RBM39: variants seen among roughly 807,000 people sequenced by gnomAD.
RBM39 encodes the protein RNA binding motif protein 39, also known as RNA-binding protein 39.
Under a neutral mutation model 79.6 loss-of-function variants are expected in RBM39, and 12 were observed. The observed-to-expected ratio is 0.15, with a 90% CI of 0.10 to 0.24. The LOEUF is 0.24. Ranked by LOEUF, RBM39 falls within the 10% of genes least tolerant of loss-of-function variation. The pLI, the probability that RBM39 is intolerant of heterozygous loss-of-function variation, is 1.00. For missense variants in RBM39, 243 were observed against 653.4 expected (o/e 0.37, Z 6.85); for synonymous variants, 185 against 208.4 (o/e 0.89, Z 0.97).
At chr20:35,716,980 G>A (rs1213460758) in intron 9 of RBM39, among the ~76,000 whole-genome samples, 175 bp from the exon 10 acceptor site, 1 of 151,398 alleles carries the variant, frequency 6.6e-6, no homozygotes, top group African/African-American at 2.4e-5. Flanking sequence ...AATTTTATAT[G>A]TAAAATGAAA....
chr20:35,712,756 T>C (rs2036599854), intron 12 of RBM39, among the ~76,000 whole-genome samples: 1 of 152,166 alleles, frequency 6.6e-6, no homozygotes, highest in African/African-American at 2.4e-5. Flanking sequence ...TCAATAAAAC[T>C]GATATATTTG....
At chr20:35,726,422 C>T (rs1012931076) in intron 6 of RBM39, among the ~76,000 whole-genome samples, 2 of 152,180 alleles carry the variant, frequency 1.3e-5, no homozygotes, top group African/African-American at 2.4e-5. Context: ...TCAGCCACCA[C>T]GCCTGGCCCA....
chr20:35,730,160 T>C (rs1056244520), intron 4 of RBM39, among the ~76,000 whole-genome samples: 2 of 152,178 alleles, frequency 1.3e-5, no homozygotes, highest in African/African-American at 4.8e-5. Context: ...ATCGTGAACA[T>C]GTGAAGGTAA....
intron 1 of RBM39, chr20:35,741,610 A>AT (rs2146773912): frequency 6.6e-6 from 1 of 152,318 alleles, no homozygotes; most frequent in Admixed American, 6.5e-5. Context: ...CCGCGCTGCC[A>AT]TTTTAGGGGC....
At chr20:35,737,811 T>C (rs1433468696) in intron 3 of RBM39, among the ~76,000 whole-genome samples, 3 of 124,238 alleles carry the variant, frequency 2.4e-5, no homozygotes, top group Admixed American at 1.0e-4. Flanking sequence ...ATCACACCAC[T>C]GCACTCCAGC....
intron 3 of RBM39, chr20:35,734,737 T>C (rs1200929805): frequency 6.9e-6 from 8 of 1,154,844 alleles, no homozygotes; most frequent in Middle Eastern, 3.1e-4. Flanking sequence ...GACAGCAACA[T>C]ACTAAGACAT....
At chr20:35,724,932 T>C (rs1044861319) in intron 7 of RBM39, 106 bp downstream of exon 7, 1 of 1,028,186 alleles carries the variant, frequency 9.7e-7, no homozygotes, top group Non-Finnish European at 1.5e-6. Flanking sequence ...AATGGAAACA[T>C]TACCACAAAC....
chr20:35,703,671 ATT>A lies in RBM39; in HGVS notation c.*808_*809del, dbSNP rs1467607742. The A allele has an allele frequency of 1.3e-5, 2 of 152,660 alleles. No individual in the cohort carries two copies. Among genetic ancestry groups the A allele is most frequent in the East Asian group, 1.9e-4 (1 of 5,202 alleles). The allele number at this position is 152,660 out of a possible 1,614,324, so 9.5% of individuals were successfully genotyped here. ...CAAAGATTGTTGCAATATGAAAGTCATTTGTTTGATAGAAATATCAAGCTGTC... is the reference window on the plus strand; with the variant it reads ...CAAAGATTGTTGCAATATGAAAGTCATGTTTGATAGAAATATCAAGCTGTC... On this transcript the variant is annotated 3_prime_UTR_variant, in exon 17 of 17. Coordinates refer to ENST00000253363, the MANE Select transcript of RBM39 (RefSeq NM_184234.3).
chr20:35,736,782 A>G (rs2039967923), intron 3 of RBM39: 3 of 345,170 alleles, frequency 8.7e-6, no homozygotes, highest in Admixed American at 7.7e-5. Context: ...TCCCGAGAGT[A>G]GCTGGGACTA....
chr20:35,726,305 G>T (rs771348152), intron 6 of RBM39, among the ~76,000 whole-genome samples: 57 of 151,442 alleles, frequency 3.8e-4, no homozygotes, highest in Non-Finnish European at 6.3e-4. Context: ...CTAATTTTCT[G>T]TATTTTTAGT....
At chr20:35,708,695 G>A (rs2036047274) in intron 13 of RBM39, 1 of 152,306 alleles carries the variant, frequency 6.6e-6, no homozygotes, top group Admixed American at 6.5e-5. Context: ...AGAAATCATA[G>A]CCTACTTAAT....
rs149113488 is a variant in RBM39 at position 35,727,650 on chromosome 20, ATT to A, written c.416+1660_416+1661del. ...ACCACCATGCCCAGCTAATTTTTGT[ATT>A]TTTTTTTTTTTTTTGAGACAGAGTT... On this transcript the variant is annotated intron_variant, in intron 6 of 16. Coordinates refer to ENST00000253363, the MANE Select transcript of RBM39 (RefSeq NM_184234.3). Among the ~76,000 whole-genome samples the A allele has an allele frequency of 5.4e-3, 698 of 130,002 alleles. 6 individuals are homozygous for A. The highest frequency in any genetic ancestry group is 0.018 in the African/African-American group (635 of 35,240). The allele number at this position is 130,002 out of a possible 152,430, so 85.3% of individuals were successfully genotyped here. A position where few individuals can be genotyped will look rare whatever the true frequency, so the allele number is the denominator to read the frequency against.
chr20:35,711,290 C>CA (rs1315335670), intron 12 of RBM39, among the ~76,000 whole-genome samples: 1 of 152,012 alleles, frequency 6.6e-6, no homozygotes, highest in African/African-American at 2.4e-5. Context: ...TACAGGTAAA[C>CA]AGTTTTCTGG....
At chr20:35,732,191 A>G (rs760658579) in intron 3 of RBM39, 56 bp from the exon 4 acceptor site, 1 of 1,470,228 alleles carries the variant, frequency 6.8e-7, no homozygotes, top group Non-Finnish European at 9.5e-7. Context: ...ACCAAAATAT[A>G]CTACCTTTTA....
chr20:35,729,474 C>T lies in RBM39; in HGVS notation c.350G>A (p.Ser117Asn). ...TATGTTTAAAAACCTTAATTTGATG[C>T]TATGAGGCAACCCAATCTTTCCTCG... is the stretch of plus-strand genomic sequence containing the variant. ...AIRGKIGLPH[S>N]IKLSRRRSRS... is the part of the protein sequence containing the mutation. Residue 117 changes from serine to asparagine, a missense_variant, in exon 5 of 17, where the codon AGC becomes AAC. Physicochemically the swap from Ser to Asn is conservative, Grantham distance 46. Coordinates refer to ENST00000253363, the MANE Select transcript of RBM39 (RefSeq NM_184234.3). The T allele has an allele frequency of 6.2e-7, 1 of 1,613,846 alleles. No individual in the cohort carries two copies.
At chr20:35,707,054 G>GA (rs2146485918) in intron 14 of RBM39, 66 bp downstream of exon 14, 1 of 404,982 alleles carries the variant, frequency 2.5e-6, no homozygotes, top group African/African-American at 2.5e-5. Flanking sequence ...AAAAAAAAGA[G>GA]AAATATATAA....
chr20:35,710,500 T>C (rs1047436967), intron 12 of RBM39: 7 of 152,186 alleles, frequency 4.6e-5, no homozygotes. Flanking sequence ...CAAAAATGAT[T>C]TGTCATATCA....
intron 14 of RBM39, among the ~76,000 whole-genome samples, chr20:35,706,440 A>C (rs769029415): frequency 1.3e-5 from 2 of 152,236 alleles, no homozygotes; most frequent in Non-Finnish European, 2.9e-5. Context: ...GGGAAAACAA[A>C]AGAATTCAAG....
intron 3 of RBM39, among the ~76,000 whole-genome samples, chr20:35,736,181 T>C (rs2039886764): frequency 6.6e-6 from 1 of 152,164 alleles, no homozygotes; most frequent in African/African-American, 2.4e-5. Flanking sequence ...GATTAGAGAA[T>C]TGCAAAACAA....
Sources: allele counts gnomAD v4.1 joint callset (sites outside exome capture counted in the v4.1 genomes callset), GRCh38; gene constraint gnomAD v4.1.1; transcripts MANE v1.5; gene names NCBI Gene and HGNC (gene_info 2026-07-23, HGNC 2026-07-21).